Variants in RPS6KC1 observed in about 807,000 individuals in gnomAD.
RPS6KC1 encodes the protein ribosomal protein S6 kinase C1, also known as inactive ribosomal protein S6 kinase delta-1.
RPS6KC1 carries 54 observed loss-of-function variants against 103.8 expected under a neutral mutation model. The observed-to-expected ratio is 0.52, with a 90% CI of 0.42 to 0.65. The LOEUF is 0.65. RPS6KC1 is among the 30% of genes least tolerant of loss of function. The pLI is 0.00. For missense variants in RPS6KC1, 1,151 were observed against 1,253.8 expected (o/e 0.92, Z 1.24); for synonymous variants, 439 against 438.7 (o/e 1.00, Z -0.01).
the RPS6KC1 span, among the ~76,000 whole-genome samples, chr1:213,433,171 T>C: frequency 1.3e-5 from 2 of 152,218 alleles, no homozygotes; most frequent in Non-Finnish European, 2.9e-5. Context: ...TCCTAGCTCA[T>C]GGACTGCTTC....
At chr1:213,320,238 C>T in the RPS6KC1 span, among the ~76,000 whole-genome samples, 1 of 152,240 alleles carries the variant, frequency 6.6e-6, no homozygotes, top group African/African-American at 2.4e-5. Flanking sequence ...GCACTTGCAA[C>T]TCTATTACCC....
intron 8 of RPS6KC1, among the ~76,000 whole-genome samples, chr1:213,226,602 A>G (rs1402133714): frequency 1.3e-5 from 2 of 151,860 alleles, no homozygotes. Flanking sequence ...TGTCACCTCT[A>G]TTTTCTTATC....
chr1:213,366,633 A>G, the RPS6KC1 span, among the ~76,000 whole-genome samples: 1 of 152,236 alleles, frequency 6.6e-6, no homozygotes, highest in East Asian at 1.9e-4. Context: ...TTACAAAAGC[A>G]GACAGTGGGC....
chr1:213,514,427 C>G, the RPS6KC1 span, among the ~76,000 whole-genome samples: 2 of 142,082 alleles, frequency 1.4e-5, no homozygotes, highest in Admixed American at 7.5e-5. Context: ...TGCACTTCCT[C>G]TGTCCATGTG....
the RPS6KC1 span, among the ~76,000 whole-genome samples, chr1:213,547,954 A>G: frequency 2.6e-5 from 4 of 152,238 alleles, no homozygotes; most frequent in African/African-American, 9.6e-5. Flanking sequence ...AAATACTGGT[A>G]TATATGCACC....
At chr1:213,428,612 C>G in the RPS6KC1 span, 1 of 139,136 alleles carries the variant, frequency 7.2e-6, no homozygotes, top group East Asian at 2.1e-4. Flanking sequence ...CCCTCCCTCC[C>G]TCTCTCTCTT....
intron 5 of RPS6KC1, 119 bp downstream of exon 5, chr1:213,117,529 A>T: frequency 3.6e-6 from 2 of 550,096 alleles, no homozygotes. Context: ...ACTGATTCTA[A>T]GATGCTTTTT....
the RPS6KC1 span, among the ~76,000 whole-genome samples, chr1:213,826,054 T>G: frequency 6.6e-6 from 1 of 152,218 alleles, no homozygotes; most frequent in African/African-American, 2.4e-5. Context: ...ATCTTCAAAA[T>G]GATTTACTAA....
At chr1:213,545,134 G>C in the RPS6KC1 span, among the ~76,000 whole-genome samples, 5 of 152,122 alleles carry the variant, frequency 3.3e-5, no homozygotes, top group African/African-American at 1.2e-4. Context: ...GGGAGACTGA[G>C]GTGGGCGGAT....
At chr1:213,456,347 A>G in the RPS6KC1 span, among the ~76,000 whole-genome samples, 1 of 152,152 alleles carries the variant, frequency 6.6e-6, no homozygotes, top group African/African-American at 2.4e-5. Context: ...TACACAAAAG[A>G]TAGTCTGACC....
the RPS6KC1 span, among the ~76,000 whole-genome samples, chr1:213,679,506 A>T: frequency 6.6e-6 from 1 of 152,208 alleles, no homozygotes; most frequent in Non-Finnish European, 1.5e-5. Flanking sequence ...AAAGTTACTG[A>T]TAGGAGGTGA....
chr1:213,673,941 T>C, the RPS6KC1 span, among the ~76,000 whole-genome samples: 1 of 152,202 alleles, frequency 6.6e-6, no homozygotes, highest in Non-Finnish European at 1.5e-5. Flanking sequence ...ATCTCTTAAA[T>C]AGGGAGCATA....
chr1:213,446,749 G>A, the RPS6KC1 span, among the ~76,000 whole-genome samples: 1 of 152,178 alleles, frequency 6.6e-6, no homozygotes, highest in Non-Finnish European at 1.5e-5. Flanking sequence ...CACATGGTAA[G>A]CACTGATTCG....
the RPS6KC1 span, among the ~76,000 whole-genome samples, chr1:213,667,392 C>T: frequency 6.6e-6 from 1 of 152,144 alleles, no homozygotes; most frequent in Non-Finnish European, 1.5e-5. Context: ...GTTATGTTTA[C>T]ACTATACTGT....
At chr1:213,326,631 A>G in the RPS6KC1 span, among the ~76,000 whole-genome samples, 1 of 152,236 alleles carries the variant, frequency 6.6e-6, no homozygotes, top group African/African-American at 2.4e-5. Flanking sequence ...AATCACTGCC[A>G]GATGCAATCA....
intron 6 of RPS6KC1, among the ~76,000 whole-genome samples, chr1:213,138,870 A>G (rs1199859216): frequency 2.6e-5 from 4 of 152,222 alleles, no homozygotes; most frequent in Non-Finnish European, 5.9e-5. Context: ...GCATATACCC[A>G]GTAATGGAGT....
At chr1:213,129,481 T>A (rs774739990) in intron 5 of RPS6KC1, 46 bp from the exon 6 acceptor site, 33 of 1,518,776 alleles carry the variant, frequency 2.2e-5, no homozygotes, top group Non-Finnish European at 2.8e-5. Flanking sequence ...TTCGTTTGGC[T>A]GATTCTCAAT....
the RPS6KC1 span, among the ~76,000 whole-genome samples, chr1:213,573,832 C>G: frequency 1.3e-5 from 2 of 152,174 alleles, no homozygotes; most frequent in African/African-American, 4.8e-5. Flanking sequence ...ATGCCAGGCT[C>G]TATGCCACAA....
the RPS6KC1 span, among the ~76,000 whole-genome samples, chr1:213,397,982 A>G: frequency 0.02 from 3,099 of 152,214 alleles, 57 homozygotes; most frequent in Admixed American, 0.035. Flanking sequence ...TTGGAACACA[A>G]TGACAAAATT....
Sources: allele counts gnomAD v4.1 joint callset (sites outside exome capture counted in the v4.1 genomes callset), GRCh38; gene constraint gnomAD v4.1.1; transcripts MANE v1.5; gene names NCBI Gene and HGNC (gene_info 2026-07-23, HGNC 2026-07-21).